ZNF565: variants seen among roughly 807,000 people sequenced by gnomAD.
The protein encoded by ZNF565 is zinc finger protein 565.
Under a neutral mutation model 39.4 loss-of-function variants are expected in ZNF565, and 27 were observed. The observed-to-expected ratio is 0.69, with a 90% CI of 0.51 to 0.95. ZNF565 has a LOEUF of 0.95. ZNF565 is among the 40% of genes least tolerant of loss of function. The pLI is 0.00. For synonymous variants in ZNF565, 185 were observed against 216.6 expected (o/e 0.85, Z 1.28); for missense variants, 524 against 621.1 (o/e 0.84, Z 1.66).
At chr19:36,206,727 G>A (rs1177130006) in intron 1 of ZNF565, among the ~76,000 whole-genome samples, 1 of 152,156 alleles carries the variant, frequency 6.6e-6, no homozygotes, top group African/African-American at 2.4e-5. Context: ...AGCTACTCAG[G>A]AGGCTGAGGT....
At chr19:36,190,348 G>A (rs1006871734) in intron 4 of ZNF565, among the ~76,000 whole-genome samples, 1 of 151,610 alleles carries the variant, frequency 6.6e-6, no homozygotes, top group Non-Finnish European at 1.5e-5. Flanking sequence ...AGGCCGAGGA[G>A]GGTGGATCAC....
intron 1 of ZNF565, among the ~76,000 whole-genome samples, chr19:36,232,791 G>T (rs779553340): frequency 1.3e-5 from 2 of 151,888 alleles, no homozygotes; most frequent in Non-Finnish European, 2.9e-5. Context: ...TGTATTTTTA[G>T]TAGAGACGAG....
chr19:36,210,609 C>A (rs538758813), intron 1 of ZNF565, among the ~76,000 whole-genome samples: 1 of 151,690 alleles, frequency 6.6e-6, no homozygotes, highest in Non-Finnish European at 1.5e-5. Flanking sequence ...GATATCTAAC[C>A]TTGGTTTCAA....
chr19:36,218,148 TC>T (rs955368739), upstream of ZNF565: 2 of 147,620 alleles, frequency 1.4e-5, no homozygotes, highest in African/African-American at 5.1e-5. Context: ...GAGCCAGACT[TC>T]CTGTGTTAAC....
chr19:36,201,083 A>G (rs1357271507), intron 2 of ZNF565, among the ~76,000 whole-genome samples: 2 of 152,066 alleles, frequency 1.3e-5, no homozygotes, highest in Non-Finnish European at 2.9e-5. Flanking sequence ...AGGCTAACCA[A>G]TTGAGCCCCG....
intron 4 of ZNF565, among the ~76,000 whole-genome samples, chr19:36,189,673 GATT>G (rs1309860463): frequency 3.7e-4 from 56 of 152,082 alleles, no homozygotes; most frequent in African/African-American, 1.3e-3. Flanking sequence ...ATAAATAAAA[GATT>G]ATTATTTTTC....
Position 36,201,986 on chromosome 19 carries a change from G to A in ZNF565, c.-1C>T, listed in dbSNP as rs1568419425. On this transcript the variant is annotated 5_prime_UTR_variant, in exon 2 of 5. Coordinates refer to ENST00000304116, the MANE Select transcript of ZNF565 (RefSeq NM_152477.5). ...AGGAATTTCAACATACCTGGGCCAT[G>A]GCTTTTAGAACTATTTGACCTGCTC... 6.2e-7 allele frequency: 1 copy of A among 1,614,096 alleles called. No individual in the cohort carries two copies. The highest frequency in any genetic ancestry group is 8.5e-7 in the Non-Finnish European group (1 of 1,180,000).
intron 1 of ZNF565, among the ~76,000 whole-genome samples, chr19:36,205,371 T>C (rs1260742745): frequency 6.6e-6 from 1 of 151,898 alleles, no homozygotes; most frequent in Non-Finnish European, 1.5e-5. Flanking sequence ...CTACTAAAAA[T>C]ACAAAAATTA....
intron 1 of ZNF565, among the ~76,000 whole-genome samples, chr19:36,244,524 G>C (rs137983202): frequency 0.012 from 1,866 of 152,168 alleles, 39 homozygotes; most frequent in African/African-American, 0.042. Flanking sequence ...CTGGGCAACA[G>C]AGCAAGACCC....
intron 1 of ZNF565, among the ~76,000 whole-genome samples, chr19:36,221,320 ACT>A (rs1283855617): frequency 8.6e-6 from 1 of 115,692 alleles, no homozygotes; most frequent in Non-Finnish European, 1.6e-5. Flanking sequence ...ACGGAGTCTC[ACT>A]CTGTCCCCTA....
intron 1 of ZNF565, among the ~76,000 whole-genome samples, chr19:36,213,728 G>A (rs1976465448): frequency 7.4e-6 from 1 of 135,550 alleles, no homozygotes. Context: ...GGCTGGTCTC[G>A]AACTCCTGGG....
At chr19:36,198,360 C>T (rs1975838873) in intron 2 of ZNF565, among the ~76,000 whole-genome samples, 1 of 152,082 alleles carries the variant, frequency 6.6e-6, no homozygotes, top group Admixed American at 6.6e-5. Flanking sequence ...GGTTATTATG[C>T]TGCATGAAGT....
chr19:36,188,199 C>T (rs1975381469), intron 4 of ZNF565, among the ~76,000 whole-genome samples: 1 of 150,112 alleles, frequency 6.7e-6, no homozygotes, highest in African/African-American at 2.5e-5. Flanking sequence ...ACTAAAAATA[C>T]AAAAAATTAG....
At chr19:36,206,968 G>A (rs2145356350) in intron 1 of ZNF565, among the ~76,000 whole-genome samples, 1 of 152,314 alleles carries the variant, frequency 6.6e-6, no homozygotes, top group South Asian at 2.1e-4. Context: ...AGCACAGCCT[G>A]AATGGATGAG....
upstream of ZNF565, among the ~76,000 whole-genome samples, chr19:36,217,526 T>G (rs1599955421): frequency 6.6e-6 from 1 of 152,102 alleles, no homozygotes; most frequent in African/African-American, 2.4e-5. Context: ...CAGAAATAAC[T>G]TCAAAATGTA....
At position 36,194,327 on chromosome 19, in the gene ZNF565, T is replaced by G; in HGVS notation, c.138A>C (p.Gly46=). The change falls in exon 4 of 5, where the codon GGA becomes GGC. Residue 46 remains glycine (G), a splice_region_variant and synonymous_variant. Coordinates refer to ENST00000304116, the MANE Select transcript of ZNF565 (RefSeq NM_152477.5). The part of the protein sequence containing the change: ...LENFGHLASL[G]LSISKPDVVS... Reference sequence around the variant, plus strand: ...CGACATCAGGCTTAGAAATGGAGAGTCCTGTTTACAGGAAAAGAAATGGGG... The same window carrying G: ...CGACATCAGGCTTAGAAATGGAGAGGCCTGTTTACAGGAAAAGAAATGGGG... 6.2e-7 allele frequency: 1 copy of G among 1,606,860 alleles called. No homozygotes were observed. The highest frequency in any genetic ancestry group is 8.5e-7 in the Non-Finnish European group (1 of 1,176,516).
intron 4 of ZNF565, among the ~76,000 whole-genome samples, chr19:36,190,991 CAA>C (rs58218863): frequency 3.0e-4 from 24 of 79,336 alleles, no homozygotes; most frequent in African/African-American, 5.9e-4. Flanking sequence ...GACTCTGTCT[CAA>C]AAAAAAAAAA....
At chr19:36,188,718 A>T (rs1490697450) in intron 4 of ZNF565, among the ~76,000 whole-genome samples, 1 of 151,914 alleles carries the variant, frequency 6.6e-6, no homozygotes, top group Admixed American at 6.6e-5. Context: ...TCTCAAAAAA[A>T]AAAAAAAACA....
intron 1 of ZNF565, among the ~76,000 whole-genome samples, chr19:36,241,094 G>A (rs1394146544): frequency 1.3e-5 from 2 of 152,144 alleles, no homozygotes; most frequent in African/African-American, 2.4e-5. Flanking sequence ...ACCAGACTCA[G>A]GTATTCTGTT....
Sources: allele counts gnomAD v4.1 joint callset (sites outside exome capture counted in the v4.1 genomes callset), GRCh38; gene constraint gnomAD v4.1.1; transcripts MANE v1.5; gene names NCBI Gene and HGNC (gene_info 2026-07-23, HGNC 2026-07-21).